The following CITED2 variants were observed in gnomAD, a reference collection of about 807,000 sequenced individuals.
CITED2 encodes the protein cbp/p300-interacting transactivator 2.
In CITED2, 2 loss-of-function variants were observed where a neutral mutation model predicts 11.8. The ratio of observed to expected loss-of-function variants is 0.17; its 90% confidence interval spans 0.07 to 0.54. CITED2 has a LOEUF of 0.54. Ranked by LOEUF, CITED2 falls within the 20% of genes least tolerant of loss-of-function variation. The pLI is 0.94. For missense variants in CITED2, 437 were observed against 390.2 expected, an observed-to-expected ratio of 1.12 and a Z score of -1.01; for synonymous variants, 210 against 153.0, an observed-to-expected ratio of 1.37 and a Z score of -2.75.
chr6:139,373,305 G>C lies in CITED2; in HGVS notation c.640C>G (p.Pro214Ala). 1 of 1,613,514 alleles carries C rather than the reference G, an allele frequency of 6.2e-7. No homozygotes were observed. Among genetic ancestry groups the C allele is most frequent in the Non-Finnish European group, 8.5e-7 (1 of 1,179,964 alleles). Residue 214 changes from proline to alanine, a missense_variant, in exon 2 of 2, where the codon CCG (proline) becomes GCG (alanine). Around this residue, in one of 3 missense-constraint regions of CITED2, gnomAD observed 396 missense variants for 325.2 expected, o/e 1.22. Coordinates refer to ENST00000367651, the MANE Select transcript of CITED2 (RefSeq NM_006079.5). ...SVAHVPAAML[P>A]PNVIDTDFID... ...AAATCAGTGTCTATGACATTGGGCG[G>C]CAGCATTGCAGCGGGGACGTGGGCC...
Position 139,373,486 on chromosome 6 carries a change from G to A in CITED2, c.459C>T (p.Phe153=), listed in dbSNP as rs770113555. The part of the protein sequence containing the change: ...GHQMNGTNQH[F]RDCNPKHSGG... ...CGCTGTGCTTGGGGTTGCAATCTCG[G>A]AAGTGCTGGTTTGTCCCGTTCATCT... The change falls in exon 2 of 2, where the codon TTC becomes TTT. Residue 153 remains phenylalanine, a synonymous_variant. Coordinates refer to ENST00000367651, the MANE Select transcript of CITED2 (RefSeq NM_006079.5). The A allele has an allele frequency of 3.1e-6, 5 of 1,607,402 alleles. No homozygotes were observed. Among genetic ancestry groups the A allele is most frequent in the Non-Finnish European group, 2.6e-6 (3 of 1,175,990 alleles).
At position 139,373,482 on chromosome 6, in the gene CITED2, C is replaced by T. The variant is rs748320442; in HGVS notation, c.463G>A (p.Asp155Asn). Residue 155 changes from aspartate to asparagine, a missense_variant, in exon 2 of 2, where the codon GAT becomes AAT. Coordinates refer to ENST00000367651, the MANE Select transcript of CITED2 (RefSeq NM_006079.5). Reference protein sequence around the residue: ...QMNGTNQHFRDCNPKHSGGSS... With the variant: ...QMNGTNQHFRNCNPKHSGGSS... ...CCGCCGCTGTGCTTGGGGTTGCAAT[C>T]TCGGAAGTGCTGGTTTGTCCCGTTC... 2 of 1,605,550 alleles carry T rather than the reference C, an allele frequency of 1.2e-6. No homozygotes were observed. The highest frequency in any genetic ancestry group is 8.5e-7 in the Non-Finnish European group (1 of 1,175,008).
In CITED2 at chr6:139,373,241, A is replaced by G. The variant is rs1171612212; in HGVS notation, c.704T>C (p.Met235Thr). ...CAGCTCCTTGATGCGGTCCAAACCC[A>G]TTTCTATCACCAAGGACATAAGAAC... ...EEVLMSLVIE[M>T]GLDRIKELPE... Residue 235 changes from methionine (M) to threonine (T), a missense_variant, in exon 2 of 2, where the codon ATG (methionine) becomes ACG (threonine). This residue lies in a region of CITED2 where 20 missense variants were observed against 44.5 expected (regional missense o/e 0.45). Coordinates refer to ENST00000367651, the MANE Select transcript of CITED2 (RefSeq NM_006079.5). 1 of 1,614,198 alleles carries G rather than the reference A, an allele frequency of 6.2e-7. No individual in the cohort carries two copies. The highest frequency in any genetic ancestry group is 8.5e-7 in the Non-Finnish European group (1 of 1,180,038).
rs756818835 is a variant in CITED2, at chr6:139,373,473, G to T, written c.472C>A (p.Pro158Thr). Reference sequence around the variant, plus strand: ...GTGCTGCTGCCGCCGCTGTGCTTGGGGTTGCAATCTCGGAAGTGCTGGTTT... The same window carrying T: ...GTGCTGCTGCCGCCGCTGTGCTTGGTGTTGCAATCTCGGAAGTGCTGGTTT... Reference protein sequence around the residue: ...GTNQHFRDCNPKHSGGSSTPG... With the variant: ...GTNQHFRDCNTKHSGGSSTPG... The change falls in exon 2 of 2, where the codon CCC (proline) becomes ACC (threonine). Residue 158 changes from proline to threonine, a missense_variant. Pro to Thr is a conservative substitution (Grantham distance 38). Transcript: ENST00000367651. 2 of 1,603,330 alleles carry T rather than the reference G, an allele frequency of 1.2e-6. No individual in the cohort carries two copies. Among genetic ancestry groups the T allele is most frequent in the South Asian group, 2.2e-5 (2 of 89,644 alleles).
In CITED2 at chr6:139,373,971, G is replaced by A. The variant is rs1562315300; in HGVS notation, c.-8-19C>T. 7 of 1,591,152 alleles carry A rather than the reference G, an allele frequency of 4.4e-6. No homozygotes were observed. The highest frequency in any genetic ancestry group is 3.4e-6 in the Non-Finnish European group (4 of 1,176,648). On this transcript the variant is annotated intron_variant, in intron 1 of 1. Transcript: ENST00000367651. The stretch of plus-strand genomic sequence containing the variant: ...TCCAGTCCTGGAAGTGAAAAGGGCA[G>A]ATAATGAGACCCGCGCCACACGTGT...
rs1778247920 is a variant in CITED2 at position 139,371,897 on chromosome 6, C to A, written c.*1235G>T. 2 of 151,812 alleles carry A rather than the reference C, an allele frequency of 1.3e-5. No individual in the cohort carries two copies. Among genetic ancestry groups the A allele is most frequent in the South Asian group, 4.2e-4 (2 of 4,818 alleles). 9.4% of individuals were successfully genotyped at this position (151,812 alleles called of 1,614,324 possible). A position where few individuals can be genotyped will look rare whatever the true frequency, so the allele number is the denominator to read the frequency against. ...TTTAAGTAGTTGAATCAGGTATAAA[C>A]AGAAACACTTGATTTTTTTTGCCTC... is the stretch of plus-strand genomic sequence containing the variant. On this transcript the variant is annotated 3_prime_UTR_variant, in exon 2 of 2. Transcript: ENST00000367651.
rs764464797 is a variant in CITED2 at position 139,373,381 on chromosome 6, G to A, written c.564C>T (p.Gly188=). ...CGCTGCCGCCGCCGCTGTTGCTGCT[G>A]CCCGCGCCGCCGCCCGAGCTGCTGC... is the stretch of plus-strand genomic sequence containing the variant. The part of the protein sequence containing the change: ...GSGSSSGGGA[G]SSNSGGGSGS... Residue 188 remains glycine, a synonymous_variant, in exon 2 of 2, where the codon GGC becomes GGT. Transcript: ENST00000367651. 1.3e-6 allele frequency: 2 copies of A among 1,574,860 alleles called. No homozygotes were observed. The highest frequency in any genetic ancestry group is 1.1e-5 in the South Asian group (1 of 87,298).
Position 139,372,927 on chromosome 6 carries a change from T to TACAAAAACGAA in CITED2, c.*194_*204dup. On this transcript the variant is annotated 3_prime_UTR_variant, in exon 2 of 2. Transcript: ENST00000367651. ...AAGGGAGGTGGGTGAATGTCAAGGC[T>TACAAAAACGAA]ACAAAAACGAAACAAAAACAGGAAA... is the stretch of plus-strand genomic sequence containing the variant. 1.6e-6 allele frequency: 1 copy of TACAAAAACGAA among 619,810 alleles called. No homozygotes were observed. Among genetic ancestry groups the TACAAAAACGAA allele is most frequent in the Non-Finnish European group, 2.9e-6 (1 of 347,242 alleles). 38.4% of individuals were successfully genotyped at this position (619,810 alleles called of 1,614,324 possible).
In CITED2 at chr6:139,373,037, C is replaced by G; in HGVS notation, c.*95G>C. On this transcript the variant is annotated 3_prime_UTR_variant, in exon 2 of 2. Transcript: ENST00000367651. ...TCCAAGTTCTCAAACCTTTCAAGAT[C>G]TGAAAAGTGAGATACTGTGTCTAAG... The G allele has an allele frequency of 8.3e-7, 1 of 1,209,728 alleles. No individual in the cohort carries two copies. Among genetic ancestry groups the G allele is most frequent in the Non-Finnish European group, 1.2e-6 (1 of 813,294 alleles). The allele number at this position is 1,209,728 out of a possible 1,614,324, so 74.9% of individuals were successfully genotyped here. A position where few individuals can be genotyped will look rare whatever the true frequency, so the allele number is the denominator to read the frequency against.
Position 139,373,876 on chromosome 6 carries a change from G to T in CITED2, c.69C>A (p.His23Gln). Reference protein sequence around the residue: ...FPDGTNGLHHHPAHRMGMGQF... With the variant: ...FPDGTNGLHHQPAHRMGMGQF... The stretch of plus-strand genomic sequence containing the variant: ...GCCCCATGCCCATGCGGTGGGCAGG[G>T]TGATGGTGCAGCCCATTGGTGCCGT... Residue 23 changes from histidine (H) to glutamine (Q), a missense_variant, in exon 2 of 2, where the codon CAC (histidine) becomes CAA (glutamine). By Grantham distance (24) the His-to-Gln change is conservative. Coordinates refer to ENST00000367651, the MANE Select transcript of CITED2 (RefSeq NM_006079.5). 3 of 1,602,392 alleles carry T rather than the reference G, an allele frequency of 1.9e-6. No individual in the cohort carries two copies. Among genetic ancestry groups the T allele is most frequent in the Non-Finnish European group, 2.5e-6 (3 of 1,179,940 alleles).
intron 1 of CITED2, 51 bp downstream of exon 1, chr6:139,374,362 C>A: frequency 1.8e-6 from 1 of 552,080 alleles, no homozygotes. Flanking sequence ...ACCCTGCCCT[C>A]GGAGGACTGG....
In CITED2 at chr6:139,373,779, T is replaced by A; in HGVS notation, c.166A>T (p.Ile56Leu). The change falls in exon 2 of 2, where the codon ATA becomes TTA. Residue 56 changes from isoleucine (I) to leucine (L), a missense_variant. This residue lies in a region of CITED2 where 396 missense variants were observed against 325.2 expected (regional missense o/e 1.22). Coordinates refer to ENST00000367651, the MANE Select transcript of CITED2 (RefSeq NM_006079.5). ...HAFNALMGEH[I>L]HYGAGNMNAT... Reference sequence around the variant, plus strand: ...TTCATGTTGCCCGCGCCGTAGTGTATGTGCTCGCCCATTAGGGCGTTGAAG... The same window carrying A: ...TTCATGTTGCCCGCGCCGTAGTGTAAGTGCTCGCCCATTAGGGCGTTGAAG... 6.2e-7 allele frequency: 1 copy of A among 1,610,730 alleles called. No homozygotes were observed.
chr6:139,372,812 T>C lies in CITED2; in HGVS notation c.*320A>G. Reference sequence around the variant, plus strand: ...AGATTAAGCAGTTTGCCAAGATTAATATCTAACAGTTGAGCACTGGAGAAA... The same window carrying C: ...AGATTAAGCAGTTTGCCAAGATTAACATCTAACAGTTGAGCACTGGAGAAA... On this transcript the variant is annotated 3_prime_UTR_variant, in exon 2 of 2. Coordinates refer to ENST00000367651, the MANE Select transcript of CITED2 (RefSeq NM_006079.5). 2.6e-6 allele frequency: 1 copy of C among 380,334 alleles called. No individual in the cohort carries two copies. The highest frequency in any genetic ancestry group is 2.6e-5 in the South Asian group (1 of 37,852). The allele number at this position is 380,334 out of a possible 1,614,324, so 23.6% of individuals were successfully genotyped here.
chr6:139,372,165 C>G lies in CITED2; in HGVS notation c.*967G>C, dbSNP rs1032693270. 5.3e-5 allele frequency: 8 copies of G among 152,138 alleles called. No homozygotes were observed. Among genetic ancestry groups the G allele is most frequent in the African/African-American group, 1.9e-4 (8 of 41,386 alleles). The allele number at this position is 152,138 out of a possible 1,614,324, so 9.4% of individuals were successfully genotyped here. A position where few individuals can be genotyped will look rare whatever the true frequency, so the allele number is the denominator to read the frequency against. On this transcript the variant is annotated 3_prime_UTR_variant, in exon 2 of 2. Transcript: ENST00000367651. ...GTCCTGTAATTTATCCTTTGGAATGCTTACTCTCATCAATAGTGTTCAACT... is the reference window on the plus strand; with the variant it reads ...GTCCTGTAATTTATCCTTTGGAATGGTTACTCTCATCAATAGTGTTCAACT...
rs777898916 is a variant in CITED2, at chr6:139,373,100, G to T, written c.*32C>A. On this transcript the variant is annotated 3_prime_UTR_variant, in exon 2 of 2. Transcript: ENST00000367651. Reference sequence around the variant, plus strand: ...TTAATTCACGCCGAAGAAGTTGGGGGTTTGATTTCTTTCGCCGGGGTTTCG... The same window carrying T: ...TTAATTCACGCCGAAGAAGTTGGGGTTTTGATTTCTTTCGCCGGGGTTTCG... The T allele has an allele frequency of 1.3e-6, 2 of 1,587,480 alleles. No individual in the cohort carries two copies. Among genetic ancestry groups the T allele is most frequent in the African/African-American group, 1.3e-5 (1 of 74,390 alleles).
Position 139,372,519 on chromosome 6 carries a change from G to C in CITED2, c.*613C>G. ...CATCTGTACATATGGGGGTGGGGGG[G>C]GCGGCGGGGGGGACAGCCAACTTGA... On this transcript the variant is annotated 3_prime_UTR_variant, in exon 2 of 2. Coordinates refer to ENST00000367651, the MANE Select transcript of CITED2 (RefSeq NM_006079.5). The C allele has an allele frequency of 6.6e-6, 1 of 151,494 alleles. No individual in the cohort carries two copies. The allele number at this position is 151,494 out of a possible 1,614,324, so 9.4% of individuals were successfully genotyped here.
In CITED2 at chr6:139,373,390, G is replaced by T. The variant is rs368033342; in HGVS notation, c.555C>A (p.Gly185=). 1.3e-5 allele frequency: 21 copies of T among 1,566,124 alleles called. No homozygotes were observed. Among genetic ancestry groups the T allele is most frequent in the Non-Finnish European group, 1.7e-5 (20 of 1,158,728 alleles). Residue 185 remains glycine, a synonymous_variant, in exon 2 of 2, where the codon GGC becomes GGA. Transcript: ENST00000367651. The part of the protein sequence containing the change: ...TPGGSGSSSG[G]GAGSSNSGGG... ...CGCCGCTGTTGCTGCTGCCCGCGCC[G>T]CCGCCCGAGCTGCTGCCAGAGCCGC...
Position 139,373,213 on chromosome 6 carries a change from G to C in CITED2, c.732C>G (p.Pro244=). Residue 244 remains proline (P), a synonymous_variant, in exon 2 of 2, where the codon CCC becomes CCG. Transcript: ENST00000367651. ...EMGLDRIKEL[P]ELWLGQNEFD... ...ACTCGTTTTGCCCCAGCCAGAGTTC[G>C]GGCAGCTCCTTGATGCGGTCCAAAC... The C allele has an allele frequency of 6.2e-7, 1 of 1,614,176 alleles. No individual in the cohort carries two copies. The highest frequency in any genetic ancestry group is 1.1e-5 in the South Asian group (1 of 91,074).
At position 139,373,704 on chromosome 6, in the gene CITED2, C is replaced by G; in HGVS notation, c.241G>C (p.Gly81Arg). The G allele has an allele frequency of 1.9e-6, 3 of 1,610,888 alleles. No homozygotes were observed. The highest frequency in any genetic ancestry group is 1.7e-6 in the Non-Finnish European group (2 of 1,179,776). Residue 81 changes from glycine (G) to arginine (R), a missense_variant, in exon 2 of 2, where the codon GGG (glycine) becomes CGG (arginine). This residue lies in a region of CITED2 where 396 missense variants were observed against 325.2 expected (regional missense o/e 1.22). Transcript: ENST00000367651. ...HAMGPGTVNG[G>R]HPPSALAPAA... ...GGGGCCAGCGCGCTCGGGGGGTGCC[C>G]TCCGTTCACAGTCCCCGGCCCCATC... is the stretch of plus-strand genomic sequence containing the variant.
Sources: gnomAD v4.1 joint callset for allele counts on GRCh38, gnomAD v4.1.1 for gene constraint, gnomAD v4.1.1 regional missense constraint, MANE v1.5 for transcripts, NCBI Gene and HGNC (gene_info 2026-07-23, HGNC 2026-07-21) for gene names.